NMNAT2: variants seen among roughly 807,000 people sequenced by gnomAD.
NMNAT2 encodes nicotinamide nucleotide adenylyltransferase 2.
NMNAT2 carries 11 observed loss-of-function variants against 41.6 expected under a neutral mutation model. The ratio of observed to expected loss-of-function variants is 0.26; its 90% CI spans 0.17 to 0.44. The LOEUF (loss-of-function observed/expected upper bound fraction) is 0.44, where lower values mean the gene tolerates loss of function less well. Ranked by LOEUF, NMNAT2 falls within the 20% of genes least tolerant of loss-of-function variation. The pLI, the probability that NMNAT2 is intolerant of heterozygous loss-of-function variation, is 1.00. For synonymous variants in NMNAT2, 148 were observed against 151.2 expected (o/e 0.98, Z 0.16); for missense variants, 288 against 407.7 (o/e 0.71, Z 2.53).
At chr1:183,280,994 A>G (rs556555056) in intron 7 of NMNAT2, among the ~76,000 whole-genome samples, 105 of 152,068 alleles carry the variant, frequency 6.9e-4, no homozygotes, top group African/African-American at 2.5e-3. Context: ...CATGTTGGTC[A>G]GGGTGGTCTT....
intron 1 of NMNAT2, among the ~76,000 whole-genome samples, chr1:183,411,336 A>G (rs1649111126): frequency 6.6e-6 from 1 of 151,966 alleles, no homozygotes; most frequent in Non-Finnish European, 1.5e-5. Flanking sequence ...TTTTTTTAAG[A>G]TGGAGTCTCA....
At chr1:183,308,947 G>T (rs555192274) in intron 1 of NMNAT2, among the ~76,000 whole-genome samples, 33 of 152,174 alleles carry the variant, frequency 2.2e-4, no homozygotes, top group Non-Finnish European at 8.8e-5. Flanking sequence ...GACGTCAGAG[G>T]CTTGAAGGAT....
intron 10 of NMNAT2, among the ~76,000 whole-genome samples, chr1:183,257,038 C>T (rs1309893687): frequency 6.6e-6 from 1 of 152,130 alleles, no homozygotes; most frequent in Non-Finnish European, 1.5e-5. Flanking sequence ...AGGCATGAGC[C>T]ACTGTGCCTG....
At chr1:183,310,593 T>C (rs1662091749) in intron 1 of NMNAT2, among the ~76,000 whole-genome samples, 2 of 152,226 alleles carry the variant, frequency 1.3e-5, no homozygotes, top group Admixed American at 1.3e-4. Flanking sequence ...CATTTGGCAA[T>C]GTCTAGAGAC....
intron 1 of NMNAT2, among the ~76,000 whole-genome samples, chr1:183,383,369 C>G (rs572651494): frequency 6.6e-6 from 1 of 152,194 alleles, no homozygotes; most frequent in African/African-American, 2.4e-5. Flanking sequence ...GAAATTTTCC[C>G]ATTATCTTGG....
chr1:183,418,089 C>T, intron 1 of NMNAT2, 94 bp downstream of exon 1: 1 of 1,201,532 alleles, frequency 8.3e-7, no homozygotes, highest in East Asian at 2.3e-5. Context: ...TCCGAAGGGG[C>T]ACACGCCTTC....
rs1660401448 is a variant in NMNAT2 at position 183,252,082 on chromosome 1, A to G, written c.*559T>C. 1 of 154,198 alleles carries G rather than the reference A, an allele frequency of 6.5e-6. No individual in the cohort carries two copies. The highest frequency in any genetic ancestry group is 6.4e-5 in the Admixed American group (1 of 15,522). 9.6% of individuals were successfully genotyped at this position (154,198 alleles called of 1,614,324 possible). A position where few individuals can be genotyped will look rare whatever the true frequency, so the allele number is the denominator to read the frequency against. On this transcript the variant is annotated 3_prime_UTR_variant, in exon 11 of 11. Coordinates refer to ENST00000287713, the MANE Select transcript of NMNAT2 (RefSeq NM_015039.4). The stretch of plus-strand genomic sequence containing the variant: ...AGTAATACCACAGGAGCACATCAAG[A>G]CTACAAACATAAAGAACCATGGACA...
chr1:183,391,908 C>G lies in NMNAT2; in HGVS notation c.85+26275G>C, dbSNP rs545751355. Reference sequence around the variant, plus strand: ...CTCTGTCTCCCTGGCTGCTCTTTCACTGTTAGCATTGCTGCCTCTTCCCCA... The same window carrying G: ...CTCTGTCTCCCTGGCTGCTCTTTCAGTGTTAGCATTGCTGCCTCTTCCCCA... On this transcript the variant is annotated intron_variant, in intron 1 of 10. Transcript: ENST00000287713. Among the ~76,000 whole-genome samples the G allele has an allele frequency of 3.3e-5, 5 of 152,300 alleles. No homozygotes were observed. In the East Asian group the frequency reaches 9.7e-4, roughly 29 times the overall value.
intron 1 of NMNAT2, among the ~76,000 whole-genome samples, chr1:183,416,169 C>A (rs1649245909): frequency 6.6e-6 from 1 of 152,198 alleles, no homozygotes; most frequent in South Asian, 2.1e-4. Flanking sequence ...TTACTGTTAA[C>A]AAAGAATCTT....
At chr1:183,293,467 G>A (rs1417161090) in intron 2 of NMNAT2, among the ~76,000 whole-genome samples, 2 of 152,368 alleles carry the variant, frequency 1.3e-5, no homozygotes, top group South Asian at 2.1e-4. Flanking sequence ...TGACCAGCCC[G>A]TAAGTGGCTC....
intron 1 of NMNAT2, among the ~76,000 whole-genome samples, chr1:183,389,214 C>T (rs774026183): frequency 6.6e-6 from 1 of 152,176 alleles, no homozygotes; most frequent in East Asian, 1.9e-4. Flanking sequence ...TCCTGAATCT[C>T]TATATCCCCC....
intron 1 of NMNAT2, among the ~76,000 whole-genome samples, chr1:183,302,219 T>C (rs1661872632): frequency 6.6e-6 from 1 of 152,182 alleles, no homozygotes; most frequent in Non-Finnish European, 1.5e-5. Flanking sequence ...ATAAGGGACA[T>C]AGAGAAGTAA....
At chr1:183,291,936 A>G (rs1260884578) in intron 3 of NMNAT2, among the ~76,000 whole-genome samples, 2 of 152,108 alleles carry the variant, frequency 1.3e-5, no homozygotes, top group African/African-American at 4.8e-5. Flanking sequence ...TCACTGCTGA[A>G]TTATTACTGT....
intron 1 of NMNAT2, among the ~76,000 whole-genome samples, chr1:183,315,761 A>T (rs565799128): frequency 3.4e-5 from 5 of 147,250 alleles, no homozygotes; most frequent in South Asian, 4.4e-4. Context: ...AGCCTGGGCA[A>T]CAAAGCAGAC....
chr1:183,255,269 C>T (rs953055054), intron 10 of NMNAT2, among the ~76,000 whole-genome samples: 7 of 152,176 alleles, frequency 4.6e-5, no homozygotes, highest in Non-Finnish European at 8.8e-5. Flanking sequence ...GGTTCCACTG[C>T]TCTATGTGTC....
intron 1 of NMNAT2, among the ~76,000 whole-genome samples, chr1:183,327,961 T>G (rs1318440967): frequency 6.6e-6 from 1 of 152,090 alleles, no homozygotes; most frequent in Admixed American, 6.6e-5. Context: ...TCTCTCCAAC[T>G]TAGCAAGCAG....
At position 183,351,410 on chromosome 1, in the gene NMNAT2, T is replaced by C. The variant is rs184605704; in HGVS notation, c.86-57617A>G. Among the ~76,000 whole-genome samples the C allele has an allele frequency of 3.9e-4, 59 of 151,520 alleles. 2 individuals are homozygous for C. The East Asian group carries it at 0.011, about 28-fold the overall frequency. On this transcript the variant is annotated intron_variant, in intron 1 of 10. Coordinates refer to ENST00000287713, the MANE Select transcript of NMNAT2 (RefSeq NM_015039.4). ...AGTAGTGTAGTTCTAGGTGACTGAG[T>C]GAGCTCCAGGGGTGCTGAGGACACA...
At chr1:183,356,925 T>C (rs1467282843) in intron 1 of NMNAT2, among the ~76,000 whole-genome samples, 2 of 152,354 alleles carry the variant, frequency 1.3e-5, no homozygotes, top group East Asian at 3.9e-4. Context: ...TAGTATTCCA[T>C]GGTGCATAGG....
chr1:183,279,567 G>T (rs1661208101), intron 7 of NMNAT2, among the ~76,000 whole-genome samples: 1 of 152,196 alleles, frequency 6.6e-6, no homozygotes, highest in Non-Finnish European at 1.5e-5. Flanking sequence ...TGAGGCCCAG[G>T]CGAGAGACAG....
Sources: gnomAD v4.1 joint callset for allele counts (sites outside exome capture counted in the v4.1 genomes callset) on GRCh38, gnomAD v4.1.1 for gene constraint, MANE v1.5 for transcripts, NCBI Gene and HGNC (gene_info 2026-07-23, HGNC 2026-07-21) for gene names.